Variants in PCDHA5 observed in about 807,000 individuals in gnomAD.
PCDHA5 encodes protocadherin alpha 5, also known as protocadherin alpha-5.
In PCDHA5, 43 loss-of-function variants were observed where a neutral mutation model predicts 61.6. The ratio of observed to expected loss-of-function variants is 0.70; its 90% confidence interval spans 0.55 to 0.90. The LOEUF is 0.90. Among genes scored for constraint, PCDHA5 ranks in the 40% least tolerant of loss-of-function variants. PCDHA5 has a pLI of 0.00. For synonymous variants in PCDHA5, 627 were observed against 543.9 expected (o/e 1.15, Z -2.13); for missense variants, 1,298 against 1,222.7 (o/e 1.06, Z -0.92).
chr5:140,871,489 G>C (rs782277615), intron 1 of PCDHA5: 1 of 1,590,138 alleles, frequency 6.3e-7, no homozygotes, highest in Non-Finnish European at 8.6e-7. Context: ...AAATCACCCC[G>C]GACAGGTGAG....
At chr5:140,877,456 A>G (rs782196648) in intron 1 of PCDHA5, 18 of 1,613,802 alleles carry the variant, frequency 1.1e-5, no homozygotes, top group Non-Finnish European at 1.5e-5. Flanking sequence ...GCTGACGTCC[A>G]CGGCCACGGT....
intron 1 of PCDHA5, among the ~76,000 whole-genome samples, chr5:140,955,351 A>G (rs246019): frequency 0.56 from 85,599 of 151,868 alleles, 24,746 homozygotes; most frequent in African/African-American, 0.69. Flanking sequence ...ACATGTTGTG[A>G]GAGGGACCCA....
intron 1 of PCDHA5, chr5:140,834,683 G>T: frequency 6.2e-7 from 1 of 1,614,256 alleles, no homozygotes; most frequent in South Asian, 1.1e-5. Flanking sequence ...GGCGGAGCGC[G>T]GAGTGCAGCA....
Position 140,822,521 on chromosome 5 carries a change from G to T in PCDHA5, c.746G>T (p.Arg249Ile), listed in dbSNP as rs2150116984. The change falls in exon 1 of 4, where the codon AGA becomes ATA. Residue 249 changes from arginine to isoleucine, a missense_variant. Arg to Ile is a moderately conservative substitution (Grantham distance 97). Transcript: ENST00000529859. The stretch of plus-strand genomic sequence containing the variant: ...TTTGATAAATCCATTTATAATGTCA[G>T]ATTGTTGGAAAATGCACCAAGTGGG... ...PEFDKSIYNV[R>I]LLENAPSGTL... is the part of the protein sequence containing the mutation. 6.2e-7 allele frequency: 1 copy of T among 1,613,938 alleles called. No homozygotes were observed. Among genetic ancestry groups the T allele is most frequent in the Admixed American group, 1.7e-5 (1 of 60,030 alleles).
intron 1 of PCDHA5, chr5:140,841,176 A>C (rs1194944312): frequency 9.2e-6 from 10 of 1,081,656 alleles, no homozygotes; most frequent in East Asian, 2.6e-5. Flanking sequence ...TGGTTGGTCA[A>C]TGTTCAAAGT....
At chr5:140,841,566 G>A (rs2150318318) in intron 1 of PCDHA5, 14 of 1,613,814 alleles carry the variant, frequency 8.7e-6, no homozygotes, top group African/African-American at 4.0e-5. Context: ...CTGCAGAATG[G>A]CATTTTGTTT....
intron 1 of PCDHA5, among the ~76,000 whole-genome samples, chr5:140,922,557 CA>C (rs1214132732): frequency 3.2e-4 from 49 of 152,258 alleles, no homozygotes; most frequent in African/African-American, 1.1e-3. Context: ...GGAGAAAAGT[CA>C]GGATGACAAG....
Position 140,823,494 on chromosome 5 carries a change from C to A in PCDHA5, c.1719C>A (p.Gly573=), listed in dbSNP as rs2150126388. 1.2e-6 allele frequency: 2 copies of A among 1,613,266 alleles called. No individual in the cohort carries two copies. Among genetic ancestry groups the A allele is most frequent in the Admixed American group, 1.7e-5 (1 of 59,986 alleles). Residue 573 remains glycine (G), a synonymous_variant, in exon 1 of 4, where the codon GGC becomes GGA. Transcript: ENST00000529859. ...TGGTGCCTCGAGTGGGTGGCACCGG[C>A]GGCGCAGTGAGCGAGCTGGTGCCGA... ...ALLVPRVGGT[G]GAVSELVPRS... is the part of the protein sequence containing the mutation.
In PCDHA5 at chr5:140,915,632, C is replaced by CTCTG. The variant is rs1161142039; in HGVS notation, c.2353-63314_2353-63313insGTCT. 3.9e-3 allele frequency among the ~76,000 whole-genome samples: 565 copies of CTCTG among 144,610 alleles called. 2 individuals are homozygous for CTCTG. Among genetic ancestry groups the CTCTG allele is most frequent in the African/African-American group, 0.016 (538 of 34,672 alleles). 94.9% of individuals were successfully genotyped at this position (144,610 alleles called of 152,430 possible). A position where few individuals can be genotyped will look rare whatever the true frequency, so the allele number is the denominator to read the frequency against. On this transcript the variant is annotated intron_variant, in intron 1 of 3. Coordinates refer to ENST00000529859, the MANE Select transcript of PCDHA5 (RefSeq NM_018908.3). ...TGTCAAACAGTCTCTTTCTGTCTCT[C>CTCTG]TCTCTCTCTCTCTCTCTCTCTCTCA...
chr5:140,841,555 T>C lies in PCDHA5; in HGVS notation c.2352+17428T>C, dbSNP rs1224364793. 2.5e-6 allele frequency: 4 copies of C among 1,613,708 alleles called. No homozygotes were observed. In the African/African-American group the frequency reaches 5.3e-5, roughly 22 times the overall value. On this transcript the variant is annotated intron_variant, in intron 1 of 3. Transcript: ENST00000529859. Reference sequence around the variant, plus strand: ...GACACCGGGACCTTCTGGAGGTAAGTCTGCAGAATGGCATTTTGTTTGTGA... The same window carrying C: ...GACACCGGGACCTTCTGGAGGTAAGCCTGCAGAATGGCATTTTGTTTGTGA...
intron 1 of PCDHA5, among the ~76,000 whole-genome samples, chr5:140,890,111 A>G (rs1365246358): frequency 6.6e-6 from 1 of 152,194 alleles, no homozygotes; most frequent in Admixed American, 6.5e-5. Context: ...TCTGGATTCA[A>G]TGATGTCACT....
chr5:140,979,898 G>A (rs1253481087), intron 2 of PCDHA5, among the ~76,000 whole-genome samples: 2 of 152,212 alleles, frequency 1.3e-5, no homozygotes, highest in Non-Finnish European at 1.5e-5. Context: ...ACCAAACTTA[G>A]ATCAGTTCGT....
intron 1 of PCDHA5, among the ~76,000 whole-genome samples, chr5:140,915,401 A>G (rs536178543): frequency 1.3e-5 from 2 of 152,300 alleles, no homozygotes; most frequent in African/African-American, 4.8e-5. Flanking sequence ...TATTTCTTAT[A>G]GTCTTTGCAG....
intron 3 of PCDHA5, among the ~76,000 whole-genome samples, chr5:141,004,397 GA>G (rs2098164833): frequency 6.6e-6 from 1 of 152,188 alleles, no homozygotes; most frequent in African/African-American, 2.4e-5. Context: ...ACATGTGGAG[GA>G]GGCACCTGAC....
intron 1 of PCDHA5, chr5:140,841,867 G>A (rs2150324495): frequency 2.5e-6 from 4 of 1,613,836 alleles, no homozygotes; most frequent in Non-Finnish European, 3.4e-6. Flanking sequence ...TGCTAGATGT[G>A]AATTCAAAGA....
intron 1 of PCDHA5, among the ~76,000 whole-genome samples, chr5:140,966,026 G>C (rs1586101729): frequency 6.6e-6 from 1 of 152,290 alleles, no homozygotes; most frequent in Non-Finnish European, 1.5e-5. Context: ...TGGGAGTCAG[G>C]TGAATAGTTC....
chr5:140,958,053 G>A (rs2095406506), intron 1 of PCDHA5, among the ~76,000 whole-genome samples: 1 of 152,030 alleles, frequency 6.6e-6, no homozygotes. Context: ...ATAGAAAAAA[G>A]AGAGAAAAAA....
chr5:140,876,398 A>C (rs782094508), intron 1 of PCDHA5: 1 of 1,613,962 alleles, frequency 6.2e-7, no homozygotes, highest in South Asian at 1.1e-5. Flanking sequence ...GGTGAACTGG[A>C]TTTTGAAGAG....
intron 1 of PCDHA5, among the ~76,000 whole-genome samples, chr5:140,941,191 T>TTTTTTTCTTTCTTTCTTTC (rs1554213809): frequency 2.1e-5 from 2 of 93,258 alleles, no homozygotes; most frequent in Admixed American, 1.2e-4. Context: ...GCTTCTTTTT[T>TTTTTTTCTTTCTTTCTTTC]TTTCTTTCTT....
Sources: allele counts gnomAD v4.1 joint callset (sites outside exome capture counted in the v4.1 genomes callset), GRCh38; gene constraint gnomAD v4.1.1; transcripts MANE v1.5; gene names NCBI Gene and HGNC (gene_info 2026-07-23, HGNC 2026-07-21).